ADCY9: variants seen among roughly 807,000 people sequenced by gnomAD.
ADCY9 encodes the protein adenylate cyclase 9.
A neutral mutation model predicts 101.5 loss-of-function variants in ADCY9; 50 were observed. That is an observed-to-expected ratio of 0.49 (90% confidence interval 0.39 to 0.62). The LOEUF (loss-of-function observed/expected upper bound fraction) is 0.62. ADCY9 is among the 20% of genes least tolerant of loss of function. The pLI, the probability that ADCY9 is intolerant of heterozygous loss-of-function variation, is 0.00. For missense variants in ADCY9, 1,662 were observed against 1,800.4 expected (o/e 0.92, Z 1.39); for synonymous variants, 905 against 769.3 (o/e 1.18, Z -2.92).
intron 2 of ADCY9, among the ~76,000 whole-genome samples, chr16:4,094,130 G>A (rs1054199872): frequency 1.3e-5 from 2 of 152,164 alleles, no homozygotes; most frequent in African/African-American, 2.4e-5. Flanking sequence ...CAGCTGAGAC[G>A]TTCACTATGA....
chr16:4,113,324 C>T (rs2057125698), intron 2 of ADCY9, among the ~76,000 whole-genome samples: 1 of 152,144 alleles, frequency 6.6e-6, no homozygotes, highest in Non-Finnish European at 1.5e-5. Flanking sequence ...AGATTTTATT[C>T]TCCACGTTTT....
intron 2 of ADCY9, among the ~76,000 whole-genome samples, chr16:4,060,150 G>T (rs2141159635): frequency 6.6e-6 from 1 of 152,298 alleles, no homozygotes; most frequent in Middle Eastern, 3.4e-3. Context: ...AACAGGAAAT[G>T]TACAGAAGGT....
intron 2 of ADCY9, among the ~76,000 whole-genome samples, chr16:4,037,267 A>G (rs888964758): frequency 1.2e-4 from 19 of 152,120 alleles, no homozygotes; most frequent in Non-Finnish European, 2.9e-5. Context: ...GCAGTGAGCT[A>G]TGATTGTGCC....
At chr16:4,111,495 C>G (rs1183545140) in intron 2 of ADCY9, among the ~76,000 whole-genome samples, 2 of 152,166 alleles carry the variant, frequency 1.3e-5, no homozygotes, top group Non-Finnish European at 2.9e-5. Flanking sequence ...ATAAGCTTAA[C>G]TATGTGTGTG....
At chr16:4,097,487 T>TATATAAACAC in intron 2 of ADCY9, among the ~76,000 whole-genome samples, 1 of 72,514 alleles carries the variant, frequency 1.4e-5, no homozygotes, top group Admixed American at 1.7e-4. Context: ...TATATATATA[T>TATATAAACAC]ACACACACAC....
At chr16:4,031,651 A>C (rs1015034769) in intron 2 of ADCY9, among the ~76,000 whole-genome samples, 2 of 152,140 alleles carry the variant, frequency 1.3e-5, no homozygotes, top group African/African-American at 4.8e-5. Context: ...TGGGAGGCCG[A>C]GGCGGGTGGA....
chr16:4,108,867 G>A (rs2057096322), intron 2 of ADCY9, among the ~76,000 whole-genome samples: 1 of 151,192 alleles, frequency 6.6e-6, no homozygotes, highest in Non-Finnish European at 1.5e-5. Context: ...CACCACACCT[G>A]GTTAATTTTT....
intron 2 of ADCY9, among the ~76,000 whole-genome samples, chr16:4,016,082 A>T (rs2056436826): frequency 6.6e-6 from 1 of 152,188 alleles, no homozygotes; most frequent in South Asian, 2.1e-4. Context: ...CATCCGAAAA[A>T]GGGAAAGACG....
chr16:3,992,233 A>G lies in ADCY9; in HGVS notation c.2120T>C (p.Leu707Pro). The change falls in exon 5 of 11, where the codon CTG becomes CCG. Residue 707 changes from leucine to proline, a missense_variant. Physicochemically the swap from Leu to Pro is moderately conservative, Grantham distance 98. Around this residue, in one of 5 missense-constraint regions of ADCY9, gnomAD observed 624 missense variants for 639.1 expected, o/e 0.98. Coordinates refer to ENST00000294016, the MANE Select transcript of ADCY9 (RefSeq NM_001116.4). This position sits in a 1 kb window ranked among gnomAD's most constrained non-coding sequence, Gnocchi z 4.2. ...QEKGRWAGVS[L>P]DQSALLPLRF... ...CAGCGGAAGGAGAGCCGACTGGTCC[A>G]GGCTCACCCCTGCCCACCTTCCCTT... The G allele has an allele frequency of 6.2e-7, 1 of 1,614,180 alleles. No homozygotes were observed. Among genetic ancestry groups the G allele is most frequent in the Admixed American group, 1.7e-5 (1 of 60,024 alleles).
intron 5 of ADCY9, among the ~76,000 whole-genome samples, chr16:3,956,394 G>A: frequency 6.6e-6 from 1 of 150,478 alleles, no homozygotes. Context: ...AATTTATTGT[G>A]TAATCAACAA....
intron 2 of ADCY9, among the ~76,000 whole-genome samples, chr16:4,107,030 T>C (rs1255282530): frequency 1.3e-5 from 2 of 152,166 alleles, no homozygotes; most frequent in Non-Finnish European, 2.9e-5. Flanking sequence ...AGAGGTTACT[T>C]CTACTCGAAA....
intron 3 of ADCY9, among the ~76,000 whole-genome samples, chr16:3,998,505 T>C (rs934550461): frequency 7.3e-5 from 11 of 151,158 alleles, no homozygotes; most frequent in Non-Finnish European, 1.3e-4. Flanking sequence ...GGTCAGGAGA[T>C]TGAGACCATC....
intron 2 of ADCY9, among the ~76,000 whole-genome samples, chr16:4,046,336 T>G (rs2056664789): frequency 6.6e-6 from 1 of 152,066 alleles, no homozygotes; most frequent in Admixed American, 6.6e-5. Flanking sequence ...CCCCCGAACT[T>G]ATATTCGTCA....
intron 10 of ADCY9, among the ~76,000 whole-genome samples, chr16:3,967,784 G>A (rs555613477): frequency 6.7e-6 from 1 of 148,516 alleles, no homozygotes; most frequent in South Asian, 2.1e-4. Context: ...TGCACCCTCT[G>A]CTTCCTGAGT....
intron 9 of ADCY9, 99 bp downstream of exon 9, chr16:3,977,383 G>A (rs1486167383): frequency 5.9e-5 from 85 of 1,428,652 alleles, no homozygotes; most frequent in Non-Finnish European, 7.5e-5. Flanking sequence ...TATCTCTATC[G>A]GGGCGTGAGA....
intron 3 of ADCY9, among the ~76,000 whole-genome samples, chr16:4,003,414 T>G (rs1246230160): frequency 6.6e-6 from 1 of 152,158 alleles, no homozygotes. Flanking sequence ...GTGCCGAGTG[T>G]GAGCGAGGCT....
intron 2 of ADCY9, among the ~76,000 whole-genome samples, chr16:4,028,196 T>A (rs1018957645): frequency 6.6e-6 from 1 of 152,148 alleles, no homozygotes; most frequent in Non-Finnish European, 1.5e-5. Flanking sequence ...AAAAGTCAGT[T>A]CACAAATGAT....
chr16:4,110,145 T>C (rs114726528), intron 2 of ADCY9, among the ~76,000 whole-genome samples: 2,030 of 152,242 alleles, frequency 0.013, 51 homozygotes, highest in African/African-American at 0.046. Flanking sequence ...CTCACGGAGG[T>C]TGGGAACTAT....
chr16:4,015,332 C>T lies in ADCY9; in HGVS notation c.1694-7774G>A, dbSNP rs370871095. The stretch of plus-strand genomic sequence containing the variant: ...CTAACATAGGGAGAGTCCAGGAGTC[C>T]ACACACTTCAGAGACCTTCGCCTCC... On this transcript the variant is annotated intron_variant, in intron 2 of 10. Transcript: ENST00000294016. Among the ~76,000 whole-genome samples, 8 of 152,114 alleles carry T rather than the reference C, an allele frequency of 5.3e-5. No homozygotes were observed. In the East Asian group the frequency reaches 1.4e-3, roughly 26 times the overall value.
Sources: allele counts gnomAD v4.1 joint callset (sites outside exome capture counted in the v4.1 genomes callset), GRCh38; gene constraint gnomAD v4.1.1; regional missense constraint gnomAD v4.1.1; non-coding constraint Gnocchi (gnomAD v3.1); transcripts MANE v1.5; gene names NCBI Gene and HGNC (gene_info 2026-07-23, HGNC 2026-07-21).